The following ARFGEF2 variants were observed in gnomAD, a reference collection of about 807,000 sequenced individuals.
ARFGEF2 encodes the protein ARF guanine nucleotide exchange factor 2, also known as brefeldin A-inhibited guanine nucleotide-exchange protein 2.
A neutral mutation model predicts 219.9 loss-of-function variants in ARFGEF2; 74 were observed. The observed-to-expected ratio is 0.34, with a 90% confidence interval of 0.28 to 0.41. The LOEUF (loss-of-function observed/expected upper bound fraction) is 0.41, where lower values mean the gene tolerates loss of function less well. Ranked by LOEUF, ARFGEF2 falls within the 10% of genes least tolerant of loss-of-function variation. The pLI, the probability that ARFGEF2 is intolerant of heterozygous loss-of-function variation, is 1.00. For missense variants in ARFGEF2, 1,743 were observed against 2,218.3 expected (o/e 0.79, Z 4.30); for synonymous variants, 733 against 799.2 (o/e 0.92, Z 1.40).
chr20:48,944,219 G>C (rs1026066380), intron 3 of ARFGEF2, among the ~76,000 whole-genome samples: 1 of 152,180 alleles, frequency 6.6e-6, no homozygotes, highest in Non-Finnish European at 1.5e-5. Flanking sequence ...ATTTTTTGCT[G>C]TGAACGTGTT....
At chr20:49,025,982 G>GGA (rs11410428) in intron 36 of ARFGEF2, among the ~76,000 whole-genome samples, 1 of 127,806 alleles carries the variant, frequency 7.8e-6, no homozygotes, top group East Asian at 2.2e-4. Context: ...ACTCCATCTG[G>GGA]AAAAAAAAAA....
chr20:48,965,517 G>A (rs775618646), intron 7 of ARFGEF2, among the ~76,000 whole-genome samples: 6 of 151,870 alleles, frequency 4.0e-5, no homozygotes, highest in Non-Finnish European at 8.8e-5. Context: ...TTTATTAATG[G>A]TACTTTAAAA....
chr20:49,024,391 G>A (rs1326491393), intron 35 of ARFGEF2, among the ~76,000 whole-genome samples: 2 of 152,172 alleles, frequency 1.3e-5, no homozygotes, highest in Non-Finnish European at 2.9e-5. Context: ...GAGAGTGAGT[G>A]AGTGAGGCAG....
chr20:48,979,631 T>TA (rs1430668977), intron 14 of ARFGEF2, among the ~76,000 whole-genome samples: 27 of 152,352 alleles, frequency 1.8e-4, no homozygotes, highest in Admixed American at 1.4e-3. Flanking sequence ...GGTAGGCTAT[T>TA]AATTATTGCC....
chr20:48,947,128 G>A (rs2091033816), intron 3 of ARFGEF2, among the ~76,000 whole-genome samples: 1 of 152,204 alleles, frequency 6.6e-6, no homozygotes, highest in African/African-American at 2.4e-5. Context: ...GCCAGGTGCG[G>A]TAGCTCATGC....
chr20:48,957,301 G>T (rs967017123), intron 6 of ARFGEF2, among the ~76,000 whole-genome samples: 1 of 152,198 alleles, frequency 6.6e-6, no homozygotes, highest in African/African-American at 2.4e-5. Context: ...GCTGAGAAAT[G>T]TAGGCACATT....
At position 48,952,868 on chromosome 20, in the gene ARFGEF2, G is replaced by T. The variant is rs572333257; in HGVS notation, c.587G>T (p.Arg196Leu). 2.5e-6 allele frequency: 4 copies of T among 1,614,218 alleles called. No homozygotes were observed. Among genetic ancestry groups the T allele is most frequent in the East Asian group, 2.2e-5 (1 of 44,886 alleles). Residue 196 changes from arginine (R) to leucine (L), a missense_variant, in exon 5 of 39, where the codon CGC becomes CTC. Around this residue, in one of 5 missense-constraint regions of ARFGEF2, gnomAD observed 394 missense variants for 426.6 expected, o/e 0.92. Coordinates refer to ENST00000371917, the MANE Select transcript of ARFGEF2 (RefSeq NM_006420.3). ...LTQMLNVIFT[R>L]MENQVLQEAR... is the part of the protein sequence containing the mutation. ...CAGATGCTGAACGTCATTTTCACCC[G>T]CATGGAAAACCAAGTGGTGAGTGAC...
chr20:49,036,408 T>C lies in ARFGEF2; in HGVS notation c.*3209T>C. On this transcript the variant is annotated 3_prime_UTR_variant, in exon 39 of 39. Coordinates refer to ENST00000371917, the MANE Select transcript of ARFGEF2 (RefSeq NM_006420.3). ...AAAAAATTTTATCTGCATATTTGCA[T>C]CAAATATTTATGTGTAAAATGTATG... 2.5e-6 allele frequency: 1 copy of C among 395,806 alleles called. No homozygotes were observed. The highest frequency in any genetic ancestry group is 4.4e-6 in the Non-Finnish European group (1 of 224,864). The allele number at this position is 395,806 out of a possible 1,614,324, so 24.5% of individuals were successfully genotyped here. A position where few individuals can be genotyped will look rare whatever the true frequency, so the allele number is the denominator to read the frequency against.
chr20:49,029,852 C>G (rs1253777463), intron 37 of ARFGEF2, among the ~76,000 whole-genome samples: 3 of 150,734 alleles, frequency 2.0e-5, no homozygotes, highest in African/African-American at 7.3e-5. Context: ...CTCCGCCTCC[C>G]AAAGTGCTGG....
chr20:49,020,930 C>T (rs2091561765), intron 34 of ARFGEF2, among the ~76,000 whole-genome samples: 1 of 152,226 alleles, frequency 6.6e-6, no homozygotes, highest in Non-Finnish European at 1.5e-5. Flanking sequence ...TCTCCCAGCT[C>T]AGCCATAAGC....
At chr20:48,980,858 T>C (rs1039305793) in intron 14 of ARFGEF2, among the ~76,000 whole-genome samples, 16 of 152,198 alleles carry the variant, frequency 1.1e-4, no homozygotes, top group African/African-American at 3.9e-4. Flanking sequence ...CATCCCTATA[T>C]TTTGAGCCTG....
chr20:49,002,172 A>C (rs1259422332), intron 25 of ARFGEF2, among the ~76,000 whole-genome samples: 1 of 152,222 alleles, frequency 6.6e-6, no homozygotes, highest in Non-Finnish European at 1.5e-5. Context: ...CGGGGGGTGG[A>C]GGTTGCAGTG....
At chr20:48,929,686 A>G (rs2090901494) in intron 1 of ARFGEF2, among the ~76,000 whole-genome samples, 1 of 152,220 alleles carries the variant, frequency 6.6e-6, no homozygotes, top group Admixed American at 6.5e-5. Context: ...AGAATTAAGT[A>G]GTTGGGGGCA....
intron 3 of ARFGEF2, among the ~76,000 whole-genome samples, chr20:48,944,625 T>A (rs1448965192): frequency 6.6e-6 from 1 of 152,152 alleles, no homozygotes; most frequent in Non-Finnish European, 1.5e-5. Context: ...CACACCCAGA[T>A]AATTTTATTT....
chr20:49,020,676 A>T (rs2091560166), intron 34 of ARFGEF2, among the ~76,000 whole-genome samples: 1 of 151,968 alleles, frequency 6.6e-6, no homozygotes. Context: ...GAATTCTTGG[A>T]CTCAAGCCAT....
intron 11 of ARFGEF2, 82 bp from the exon 12 acceptor site, chr20:48,973,063 T>C (rs1222264959): frequency 5.8e-6 from 9 of 1,548,492 alleles, no homozygotes; most frequent in Non-Finnish European, 8.0e-6. Flanking sequence ...CTGGGGAAAT[T>C]TGTTGGCAAA....
chr20:49,008,561 CA>C (rs71184246), intron 26 of ARFGEF2, among the ~76,000 whole-genome samples: 35 of 140,362 alleles, frequency 2.5e-4, no homozygotes, highest in East Asian at 6.5e-4. Flanking sequence ...AACTCCATCT[CA>C]AAAAAAAAAA....
In ARFGEF2 at chr20:49,014,363, T is replaced by TG. The variant is rs1272469356; in HGVS notation, c.4179+403_4179+404insG. On this transcript the variant is annotated intron_variant, in intron 30 of 38. Coordinates refer to ENST00000371917, the MANE Select transcript of ARFGEF2 (RefSeq NM_006420.3). Reference sequence around the variant, plus strand: ...ATGATGTTGAATATTAAGCCTTTTTTTTAAAAGGAAGTTTGATGCCTGTAG... The same window carrying TG: ...ATGATGTTGAATATTAAGCCTTTTTTGTTAAAAGGAAGTTTGATGCCTGTAG... Among the ~76,000 whole-genome samples, 16 of 152,250 alleles carry TG rather than the reference T, an allele frequency of 1.1e-4. No homozygotes were observed. The East Asian group carries it at 3.1e-3, about 29-fold the overall frequency.
intron 21 of ARFGEF2, among the ~76,000 whole-genome samples, chr20:48,992,626 G>GT (rs1330457201): frequency 6.6e-6 from 1 of 152,194 alleles, no homozygotes; most frequent in Non-Finnish European, 1.5e-5. Context: ...GCTTGGGACT[G>GT]TATTTGGCAA....
Sources: gnomAD v4.1 joint callset for allele counts (sites outside exome capture counted in the v4.1 genomes callset) on GRCh38, gnomAD v4.1.1 for gene constraint, gnomAD v4.1.1 regional missense constraint, MANE v1.5 for transcripts, NCBI Gene and HGNC (gene_info 2026-07-23, HGNC 2026-07-21) for gene names.